The following DDX60L variants were observed in gnomAD, a reference collection of about 807,000 sequenced individuals.
DDX60L encodes probable ATP-dependent RNA helicase DDX60-like.
DDX60L carries 191 observed loss-of-function variants against 211.6 expected under a neutral mutation model. That is an observed-to-expected ratio of 0.90 (90% CI 0.80 to 1.02). The LOEUF is 1.02. Ranked by LOEUF, DDX60L falls within the 50% of genes least tolerant of loss-of-function variation. The pLI is 0.00. For missense variants in DDX60L, 2,007 were observed against 1,984.1 expected (o/e 1.01, Z -0.22); for synonymous variants, 706 against 694.1 (o/e 1.02, Z -0.27).
At chr4:168,404,365 A>G (rs1747374888) in intron 24 of DDX60L, among the ~76,000 whole-genome samples, 1 of 152,048 alleles carries the variant, frequency 6.6e-6, no homozygotes, top group South Asian at 2.1e-4. Context: ...ATAAGTCAGT[A>G]GGATAAGGAT....
chr4:168,436,230 T>C (rs1304072546), intron 10 of DDX60L, among the ~76,000 whole-genome samples: 1 of 152,202 alleles, frequency 6.6e-6, no homozygotes, highest in Non-Finnish European at 1.5e-5. Flanking sequence ...GCTGACACGA[T>C]TGCAGGCTTC....
rs1289672103 is a variant in DDX60L, at chr4:168,420,339, A to G, written c.2436T>C (p.Phe812=). 1 of 1,611,250 alleles carries G rather than the reference A, an allele frequency of 6.2e-7. No individual in the cohort carries two copies. Among genetic ancestry groups the G allele is most frequent in the Non-Finnish European group, 8.5e-7 (1 of 1,179,338 alleles). ...GQVAATVENR[F]TKTLPAGRTL... Reference sequence around the variant, plus strand: ...TTCTGCCGGCAGGCAACGTTTTAGTAAAACGATTCTCAACAGTTGCAGCCA... The same window carrying G: ...TTCTGCCGGCAGGCAACGTTTTAGTGAAACGATTCTCAACAGTTGCAGCCA... The change falls in exon 18 of 38, where the codon TTT becomes TTC. Residue 812 remains phenylalanine (F), a synonymous_variant. Transcript: ENST00000682922.
At position 168,394,319 on chromosome 4, in the gene DDX60L, A is replaced by G. The variant is rs935523627; in HGVS notation, c.3810+146T>C. Reference sequence around the variant, plus strand: ...TTTAAACTCCTCTAATAAATGGGATAGATGGAGCAGTCCAGTCCAGTGAGT... The same window carrying G: ...TTTAAACTCCTCTAATAAATGGGATGGATGGAGCAGTCCAGTCCAGTGAGT... On this transcript the variant is annotated intron_variant, in intron 28 of 37. Transcript: ENST00000682922. The G allele has an allele frequency of 1.9e-5, 10 of 526,854 alleles. No homozygotes were observed. In the African/African-American group the frequency reaches 2.0e-4, roughly 10 times the overall value. 32.6% of individuals were successfully genotyped at this position (526,854 alleles called of 1,614,324 possible). A position where few individuals can be genotyped will look rare whatever the true frequency, so the allele number is the denominator to read the frequency against.
At chr4:168,425,819 C>A (rs1201452986) in intron 14 of DDX60L, among the ~76,000 whole-genome samples, 1 of 152,130 alleles carries the variant, frequency 6.6e-6, no homozygotes, top group Non-Finnish European at 1.5e-5. Flanking sequence ...CTGATTCTTT[C>A]CCTCAGTTGG....
At chr4:168,430,365 G>A in intron 13 of DDX60L, 113 bp downstream of exon 13, 1 of 932,164 alleles carries the variant, frequency 1.1e-6, no homozygotes, top group Non-Finnish European at 1.6e-6. Context: ...GACTAAGACA[G>A]TTAGCAAACA....
At chr4:168,410,183 TCATTTAAAAAGTACAAATAATAAGTTA>T (rs1748443378) in intron 22 of DDX60L, among the ~76,000 whole-genome samples, 1 of 152,068 alleles carries the variant, frequency 6.6e-6, no homozygotes, top group African/African-American at 2.4e-5. Context: ...ATAATTGGTG[TCATTTAAAAAGTACAAATAATAAGTTA>T]CATATTATCA....
chr4:168,476,526 G>A (rs997787819), intron 1 of DDX60L, among the ~76,000 whole-genome samples: 3 of 152,104 alleles, frequency 2.0e-5, no homozygotes, highest in East Asian at 3.9e-4. Flanking sequence ...AGAGAATAGC[G>A]AGAGGAGACA....
Position 168,450,063 on chromosome 4 carries a change from C to G in DDX60L, c.997-1284G>C, listed in dbSNP as rs115475782. Among the ~76,000 whole-genome samples the G allele has an allele frequency of 3.2e-3, 489 of 152,188 alleles. 2 individuals carry two copies. The highest frequency in any genetic ancestry group is 0.011 in the African/African-American group (464 of 41,522). On this transcript the variant is annotated intron_variant, in intron 8 of 37. Coordinates refer to ENST00000682922, the MANE Select transcript of DDX60L (RefSeq NM_001012967.3). ...ACCCCCTTCATTCCTGGGGACTCGG[C>G]GGCCCATGGAGGACTAACAAATTAG...
At chr4:168,402,528 C>T (rs910050150) in intron 25 of DDX60L, among the ~76,000 whole-genome samples, 1 of 152,016 alleles carries the variant, frequency 6.6e-6, no homozygotes, top group Non-Finnish European at 1.5e-5. Context: ...ATATCACAAC[C>T]CAATGAATTA....
At chr4:168,471,704 T>C (rs749913009) in intron 4 of DDX60L, 43 bp downstream of exon 4, 3 of 1,460,590 alleles carry the variant, frequency 2.1e-6, no homozygotes, top group Non-Finnish European at 2.8e-6. Flanking sequence ...ATTTCAGTTA[T>C]AGTCTTCAAA....
intron 1 of DDX60L, among the ~76,000 whole-genome samples, chr4:168,479,632 G>A (rs1004266152): frequency 2.0e-5 from 3 of 152,102 alleles, no homozygotes; most frequent in Non-Finnish European, 2.9e-5. Flanking sequence ...AAAGAACAAA[G>A]TACCTTTCCA....
intron 4 of DDX60L, among the ~76,000 whole-genome samples, chr4:168,463,956 G>C (rs1400035104): frequency 6.6e-6 from 1 of 152,156 alleles, no homozygotes; most frequent in Non-Finnish European, 1.5e-5. Context: ...AATAAGGATA[G>C]TGCCTCTATT....
chr4:168,435,657 T>A (rs570433966), intron 10 of DDX60L, among the ~76,000 whole-genome samples: 1 of 152,322 alleles, frequency 6.6e-6, no homozygotes, highest in East Asian at 1.9e-4. Flanking sequence ...AGGAGCTATT[T>A]ACTTTCAGCT....
In DDX60L at chr4:168,384,710, G is replaced by T; in HGVS notation, c.4018C>A (p.Pro1340Thr). The T allele has an allele frequency of 6.2e-7, 1 of 1,613,862 alleles. No individual in the cohort carries two copies. ...AGAGGGAACTGTCCTCTCAGCTCAG[G>T]AACACTGGATGCAAGGAGTCTTTTT... ...KIKRLLASSV[P>T]ELRGQFPLSI... is the part of the protein sequence containing the mutation. The change falls in exon 30 of 38, where the codon CCT becomes ACT. Residue 1340 changes from proline (P) to threonine (T), a missense_variant. Coordinates refer to ENST00000682922, the MANE Select transcript of DDX60L (RefSeq NM_001012967.3).
At chr4:168,451,497 T>G (rs1755793130) in intron 8 of DDX60L, among the ~76,000 whole-genome samples, 1 of 152,194 alleles carries the variant, frequency 6.6e-6, no homozygotes, top group Non-Finnish European at 1.5e-5. Context: ...ACCCTGTCAG[T>G]TTCAAAGCCT....
At chr4:168,420,613 TAC>T (rs200084305) in intron 17 of DDX60L, among the ~76,000 whole-genome samples, 19,760 of 111,824 alleles carry the variant, frequency 0.18, 1,350 homozygotes, top group African/African-American at 0.2. Context: ...CACACACACA[TAC>T]ACACACACAC....
chr4:168,420,308 A>G lies in DDX60L; in HGVS notation c.2467T>C (p.Cys823Arg). 1 of 1,611,702 alleles carries G rather than the reference A, an allele frequency of 6.2e-7. No individual in the cohort carries two copies. The highest frequency in any genetic ancestry group is 8.5e-7 in the Non-Finnish European group (1 of 1,179,084). The part of the protein sequence containing the change: ...TKTLPAGRTL[C>R]GAFTRDYCHN... Reference sequence around the variant, plus strand: ...CAATAATCTCTTGTAAAAGCACCGCATAGAGTTCTGCCGGCAGGCAACGTT... The same window carrying G: ...CAATAATCTCTTGTAAAAGCACCGCGTAGAGTTCTGCCGGCAGGCAACGTT... Residue 823 changes from cysteine to arginine, a missense_variant, in exon 18 of 38, where the codon TGC (cysteine) becomes CGC (arginine). Coordinates refer to ENST00000682922, the MANE Select transcript of DDX60L (RefSeq NM_001012967.3).
At chr4:168,445,702 C>T (rs1754672688) in intron 9 of DDX60L, among the ~76,000 whole-genome samples, 1 of 151,318 alleles carries the variant, frequency 6.6e-6, no homozygotes, top group Non-Finnish European at 1.5e-5. Context: ...GGCTTCATCC[C>T]TGGGATGCAA....
intron 28 of DDX60L, 148 bp downstream of exon 28, chr4:168,394,317 A>C (rs1745390390): frequency 5.8e-6 from 3 of 517,374 alleles, no homozygotes; most frequent in Non-Finnish European, 6.6e-6. Context: ...AATAAATGGG[A>C]TAGATGGAGC....
Sources: allele counts gnomAD v4.1 joint callset (sites outside exome capture counted in the v4.1 genomes callset), GRCh38; gene constraint gnomAD v4.1.1; transcripts MANE v1.5; gene names NCBI Gene and HGNC (gene_info 2026-07-23, HGNC 2026-07-21).